Variants in HCRTR2 observed in about 807,000 individuals in gnomAD.
HCRTR2 encodes the protein hypocretin receptor 2, also known as orexin receptor type 2.
In HCRTR2, 22 loss-of-function variants were observed where a neutral mutation model predicts 49.0. The ratio of observed to expected loss-of-function variants is 0.45; its 90% CI spans 0.32 to 0.64. The LOEUF (loss-of-function observed/expected upper bound fraction) is 0.64, where lower values mean the gene tolerates loss of function less well. Ranked by LOEUF, HCRTR2 falls within the 30% of genes least tolerant of loss-of-function variation. The pLI, the probability that HCRTR2 is intolerant of heterozygous loss-of-function variation, is 0.04. For missense variants in HCRTR2, 491 were observed against 559.4 expected (o/e 0.88, Z 1.23); for synonymous variants, 236 against 205.3 (o/e 1.15, Z -1.28).
intron 1 of HCRTR2, among the ~76,000 whole-genome samples, chr6:55,122,274 A>T (rs1246173856): frequency 2.0e-5 from 3 of 152,050 alleles, no homozygotes; most frequent in African/African-American, 4.8e-5. Context: ...GTGTTCTCTG[A>T]TGGTAGTTTG....
chr6:55,196,813 T>C (rs1765425218), intron 1 of HCRTR2, among the ~76,000 whole-genome samples: 1 of 152,186 alleles, frequency 6.6e-6, no homozygotes, highest in African/African-American at 2.4e-5. Flanking sequence ...TTCTGACAGA[T>C]TGTTCTTCTC....
intron 4 of HCRTR2, among the ~76,000 whole-genome samples, chr6:55,271,060 T>C (rs1192749841): frequency 6.6e-6 from 1 of 152,088 alleles, no homozygotes; most frequent in Non-Finnish European, 1.5e-5. Context: ...CTGATCCTAA[T>C]ATTAATGTGG....
intron 2 of HCRTR2, among the ~76,000 whole-genome samples, chr6:55,254,423 G>A (rs528714866): frequency 1.2e-4 from 19 of 152,164 alleles, no homozygotes; most frequent in African/African-American, 4.6e-4. Context: ...TCAAGTTAAA[G>A]AATGATTTGT....
intron 1 of HCRTR2, among the ~76,000 whole-genome samples, chr6:55,148,293 A>G (rs757503390): frequency 6.6e-6 from 1 of 151,930 alleles, no homozygotes; most frequent in African/African-American, 2.4e-5. Flanking sequence ...TGGGAACTGT[A>G]TCAATCTCTT....
At chr6:55,231,494 A>G (rs897166336) in intron 1 of HCRTR2, among the ~76,000 whole-genome samples, 8 of 152,010 alleles carry the variant, frequency 5.3e-5, no homozygotes, top group African/African-American at 1.9e-4. Context: ...TCTAATTTTA[A>G]CTATGGAAAG....
At chr6:55,175,326 G>A (rs1581808499) in intron 1 of HCRTR2, among the ~76,000 whole-genome samples, 1 of 152,170 alleles carries the variant, frequency 6.6e-6, no homozygotes, top group East Asian at 1.9e-4. Flanking sequence ...TTAGTCTCCA[G>A]TCAAGAGGTG....
intron 1 of HCRTR2, among the ~76,000 whole-genome samples, chr6:55,109,219 A>G (rs4327697): frequency 1 from 151,658 of 152,272 alleles, 75,529 homozygotes; most frequent in Middle Eastern, 1. Context: ...ATAAACACAT[A>G]TTGGACAAAA....
At chr6:55,119,200 G>T (rs1263594340) in intron 1 of HCRTR2, among the ~76,000 whole-genome samples, 2 of 152,132 alleles carry the variant, frequency 1.3e-5, no homozygotes, top group East Asian at 3.9e-4. Context: ...ATGGGCGTTT[G>T]GGTTGGTTCC....
intron 1 of HCRTR2, among the ~76,000 whole-genome samples, chr6:55,140,178 A>G (rs1764488066): frequency 6.6e-6 from 1 of 152,140 alleles, no homozygotes; most frequent in African/African-American, 2.4e-5. Flanking sequence ...TAGTGAATGG[A>G]AAACCAACCA....
upstream of HCRTR2, among the ~76,000 whole-genome samples, chr6:55,171,834 G>T (rs1764954416): frequency 1.3e-5 from 2 of 152,290 alleles, no homozygotes; most frequent in African/African-American, 2.4e-5. Context: ...AAGTTGAAGT[G>T]CCACAAAATG....
chr6:55,171,771 G>T (rs1764953207), upstream of HCRTR2, among the ~76,000 whole-genome samples: 1 of 152,270 alleles, frequency 6.6e-6, no homozygotes, highest in Middle Eastern at 3.4e-3. Context: ...TCAATTTACT[G>T]TGATGATTAA....
At chr6:55,253,855 C>T (rs1421629595) in intron 2 of HCRTR2, among the ~76,000 whole-genome samples, 5 of 152,008 alleles carry the variant, frequency 3.3e-5, no homozygotes, top group Admixed American at 2.6e-4. Context: ...TAAAGGGGAA[C>T]AACACGCACT....
At chr6:55,174,147 TCACCCCC>T (rs1764990909), upstream of HCRTR2, 1 of 227,192 alleles carries the variant, frequency 4.4e-6, no homozygotes, top group South Asian at 5.8e-5. Context: ...GATTTAACTC[TCACCCCC>T]CACCCCCCAA....
At chr6:55,200,144 A>G (rs1406175880) in intron 1 of HCRTR2, among the ~76,000 whole-genome samples, 1 of 152,100 alleles carries the variant, frequency 6.6e-6, no homozygotes, top group Non-Finnish European at 1.5e-5. Context: ...TTATAGCCGA[A>G]TCTAGAAATC....
intron 1 of HCRTR2, among the ~76,000 whole-genome samples, chr6:55,191,689 T>C (rs1486599754): frequency 1.3e-5 from 2 of 152,118 alleles, no homozygotes; most frequent in Non-Finnish European, 1.5e-5. Flanking sequence ...ATATTGAAGA[T>C]ATGGAAGTGC....
At chr6:55,220,018 A>C (rs1466702939) in intron 1 of HCRTR2, among the ~76,000 whole-genome samples, 1 of 152,152 alleles carries the variant, frequency 6.6e-6, no homozygotes, top group Non-Finnish European at 1.5e-5. Context: ...ATCTGAACAG[A>C]TCTGTAACTA....
chr6:55,116,539 A>C (rs1373337367), intron 1 of HCRTR2, among the ~76,000 whole-genome samples: 1 of 151,512 alleles, frequency 6.6e-6, no homozygotes, highest in African/African-American at 2.4e-5. Context: ...AGAAGCAAGG[A>C]GAGAAAAGAA....
At chr6:55,167,707 G>A (rs1285880925) in intron 1 of HCRTR2, among the ~76,000 whole-genome samples, 2 of 152,088 alleles carry the variant, frequency 1.3e-5, no homozygotes, top group Non-Finnish European at 2.9e-5. Context: ...CAGAGCACCC[G>A]ACGATAATGG....
intron 1 of HCRTR2, among the ~76,000 whole-genome samples, chr6:55,127,318 A>C (rs560994563): frequency 1.3e-5 from 2 of 152,140 alleles, no homozygotes; most frequent in African/African-American, 4.8e-5. Flanking sequence ...TCCCTCAGGT[A>C]GGGGAGAAAA....
Sources: gnomAD v4.1 joint callset for allele counts (sites outside exome capture counted in the v4.1 genomes callset) on GRCh38, gnomAD v4.1.1 for gene constraint, MANE v1.5 for transcripts, NCBI Gene and HGNC (gene_info 2026-07-23, HGNC 2026-07-21) for gene names.